CSMD3: variants seen among roughly 807,000 people sequenced by gnomAD.
The protein encoded by CSMD3 is CUB and Sushi multiple domains 3, also known as CUB and sushi domain-containing protein 3.
Under a neutral mutation model 435.2 loss-of-function variants are expected in CSMD3, and 177 were observed. The observed-to-expected ratio is 0.41, with a 90% CI of 0.36 to 0.46. CSMD3 has a LOEUF of 0.46. Among genes scored for constraint, CSMD3 ranks in the 20% least tolerant of loss-of-function variants. CSMD3 has a pLI of 0.34. For synonymous variants in CSMD3, 1,656 were observed against 1,520.5 expected (o/e 1.09, Z -2.07); for missense variants, 4,265 against 4,504.6 (o/e 0.95, Z 1.52).
chr8:112,666,168 A>T, intron 17 of CSMD3, 109 bp downstream of exon 17: 1 of 883,516 alleles, frequency 1.1e-6, no homozygotes, highest in South Asian at 1.4e-5. Context: ...AAGCACAGCA[A>T]TTGACTATTA....
intron 6 of CSMD3, among the ~76,000 whole-genome samples, chr8:113,002,475 A>G (rs2085900538): frequency 6.6e-6 from 1 of 152,138 alleles, no homozygotes; most frequent in Non-Finnish European, 1.5e-5. Context: ...ATCAGAACTG[A>G]GTCTTCCTTT....
At chr8:112,553,602 C>T (rs1343960286) in intron 25 of CSMD3, among the ~76,000 whole-genome samples, 1 of 152,026 alleles carries the variant, frequency 6.6e-6, no homozygotes, top group African/African-American at 2.4e-5. Flanking sequence ...GAACCCTCCC[C>T]TTATGGCTTT....
rs547175261 is a variant in CSMD3 at position 112,937,357 on chromosome 8, T to G, written c.1508+10433A>C. 2.7e-5 allele frequency among the ~76,000 whole-genome samples: 4 copies of G among 150,516 alleles called. No homozygotes were observed. In the East Asian group the frequency reaches 5.9e-4, roughly 22 times the overall value. On this transcript the variant is annotated intron_variant, in intron 9 of 70. Coordinates refer to ENST00000297405, the MANE Select transcript of CSMD3 (RefSeq NM_198123.2). ...TTTTGGACCTAGGTAATAATGTTTT[T>G]TTTTTTTTTTTGAGACAGAGTCTCT...
chr8:112,430,707 G>C (rs78838439), intron 32 of CSMD3, among the ~76,000 whole-genome samples: 1,573 of 152,092 alleles, frequency 0.01, 31 homozygotes, highest in African/African-American at 0.035. Flanking sequence ...GCATTAGTAA[G>C]TTTCAGAATT....
intron 6 of CSMD3, among the ~76,000 whole-genome samples, chr8:112,991,225 A>C (rs1250940625): frequency 3.3e-5 from 5 of 150,580 alleles, no homozygotes; most frequent in African/African-American, 1.2e-4. Context: ...TGCTGAATTA[A>C]ATATATATAT....
chr8:112,751,602 T>C (rs1361253340), intron 13 of CSMD3, among the ~76,000 whole-genome samples: 1 of 151,276 alleles, frequency 6.6e-6, no homozygotes, highest in Non-Finnish European at 1.5e-5. Context: ...CCAATCACTA[T>C]ACTTTTTTCA....
chr8:112,944,176 C>T (rs1053617232), intron 9 of CSMD3, among the ~76,000 whole-genome samples: 4 of 151,582 alleles, frequency 2.6e-5, no homozygotes, highest in African/African-American at 9.7e-5. Flanking sequence ...TCTCCTTATA[C>T]ACACATTTTC....
At chr8:112,650,452 A>C (rs2075096648) in intron 18 of CSMD3, 103 bp from the exon 19 acceptor site, 1 of 950,138 alleles carries the variant, frequency 1.1e-6, no homozygotes, top group East Asian at 2.5e-5. Flanking sequence ...TGATTTTTAC[A>C]AATAAAGGTA....
At chr8:112,596,836 A>G (rs2131394130) in intron 22 of CSMD3, among the ~76,000 whole-genome samples, 1 of 152,264 alleles carries the variant, frequency 6.6e-6, no homozygotes, top group Non-Finnish European at 1.5e-5. Flanking sequence ...AAGACACAAT[A>G]TACCAGAATC....
At chr8:112,429,700 C>T (rs944872566) in intron 32 of CSMD3, among the ~76,000 whole-genome samples, 2 of 151,898 alleles carry the variant, frequency 1.3e-5, no homozygotes, top group African/African-American at 2.4e-5. Flanking sequence ...GACACATAGC[C>T]TAAAGTCACA....
At chr8:112,850,094 A>G (rs2080442079) in intron 11 of CSMD3, among the ~76,000 whole-genome samples, 1 of 152,166 alleles carries the variant, frequency 6.6e-6, no homozygotes, top group African/African-American at 2.4e-5. Context: ...AACATTCTTC[A>G]TATATAGTAA....
chr8:112,829,932 G>C, intron 11 of CSMD3, 143 bp from the exon 12 acceptor site: 1 of 588,262 alleles, frequency 1.7e-6, no homozygotes, highest in Non-Finnish European at 3.0e-6. Flanking sequence ...CACACAAGCA[G>C]TTCAATTATG....
chr8:112,888,996 G>A (rs1431370213), intron 10 of CSMD3, among the ~76,000 whole-genome samples: 1 of 151,602 alleles, frequency 6.6e-6, no homozygotes, highest in Non-Finnish European at 1.5e-5. Context: ...AACAAACATT[G>A]ATTCCACTGG....
intron 5 of CSMD3, among the ~76,000 whole-genome samples, chr8:113,092,704 A>G (rs1473410540): frequency 1.3e-5 from 2 of 152,084 alleles, no homozygotes; most frequent in East Asian, 1.9e-4. Flanking sequence ...CTTGAACAAG[A>G]TATGATCTTG....
intron 22 of CSMD3, among the ~76,000 whole-genome samples, chr8:112,621,798 T>G (rs549780515): frequency 1.4e-4 from 22 of 152,290 alleles, no homozygotes; most frequent in African/African-American, 5.3e-4. Flanking sequence ...CTTACTCTCT[T>G]GCTCATCTTA....
intron 59 of CSMD3, among the ~76,000 whole-genome samples, chr8:112,268,019 T>G (rs1228479775): frequency 6.6e-6 from 1 of 152,106 alleles, no homozygotes; most frequent in Non-Finnish European, 1.5e-5. Flanking sequence ...TTCAGCGATA[T>G]CATTGTATGA....
chr8:112,519,516 C>T (rs192252977), intron 27 of CSMD3, among the ~76,000 whole-genome samples: 50 of 152,284 alleles, frequency 3.3e-4, no homozygotes, highest in African/African-American at 1.2e-3. Flanking sequence ...AGTGACTAGT[C>T]TGTTACACAG....
chr8:112,769,354 A>G (rs141293986), intron 13 of CSMD3, among the ~76,000 whole-genome samples: 1 of 152,074 alleles, frequency 6.6e-6, no homozygotes, highest in African/African-American at 2.4e-5. Flanking sequence ...TATCTTTGCT[A>G]CTAACTCTGT....
At chr8:113,191,066 C>T (rs1370401412) in intron 3 of CSMD3, among the ~76,000 whole-genome samples, 1 of 151,758 alleles carries the variant, frequency 6.6e-6, no homozygotes, top group Non-Finnish European at 1.5e-5. Context: ...TTAGATTCAA[C>T]TTTCTTCTTA....
Sources: allele counts gnomAD v4.1 joint callset (sites outside exome capture counted in the v4.1 genomes callset), GRCh38; gene constraint gnomAD v4.1.1; transcripts MANE v1.5; gene names NCBI Gene and HGNC (gene_info 2026-07-23, HGNC 2026-07-21).